The following DLG1 variants were observed in gnomAD, a reference collection of about 807,000 sequenced individuals.
DLG1 encodes the protein discs large MAGUK scaffold protein 1, also known as disks large homolog 1.
Under a neutral mutation model 123.4 loss-of-function variants are expected in DLG1, and 42 were observed. The ratio of observed to expected loss-of-function variants is 0.34; its 90% CI spans 0.27 to 0.44. The LOEUF (loss-of-function observed/expected upper bound fraction) is 0.44, where lower values mean the gene tolerates loss of function less well. DLG1 is among the 20% of genes least tolerant of loss of function. The pLI, the probability that DLG1 is intolerant of heterozygous loss-of-function variation, is 1.00. For missense variants in DLG1, 942 were observed against 1,082.6 expected, an observed-to-expected ratio of 0.87 and a Z score of 1.82; for synonymous variants, 317 against 356.2, an observed-to-expected ratio of 0.89 and a Z score of 1.24.
rs527890526 is a variant in DLG1 at position 197,058,161 on chromosome 3, GT to G, written c.2483+1727del. Among the ~76,000 whole-genome samples the G allele has an allele frequency of 3.0e-4, 45 of 151,984 alleles. No individual in the cohort carries two copies. The East Asian group carries it at 7.8e-3, about 26-fold the overall frequency. On this transcript the variant is annotated intron_variant, in intron 23 of 24. Transcript: ENST00000667157. ...GCCTGGCTATTTCTTTGTATTTTTA[GT>G]AGAGACAGAGTCTCACCATGTTGCC...
chr3:197,207,297 T>C (rs534184181), intron 4 of DLG1, among the ~76,000 whole-genome samples: 1 of 152,292 alleles, frequency 6.6e-6, no homozygotes, highest in East Asian at 1.9e-4. Context: ...TAGAAGGCCA[T>C]ATCTGAAATA....
Position 197,194,520 on chromosome 3 carries a change from T to C in DLG1, c.388A>G (p.Ile130Val), listed in dbSNP as rs1488117119. 6.2e-7 allele frequency: 1 copy of C among 1,606,546 alleles called. No homozygotes were observed. The highest frequency in any genetic ancestry group is 8.5e-7 in the Non-Finnish European group (1 of 1,176,692). ...HISPQITNEV[I>V]GPELVHVSEK... ...GAGACATGAACCAATTCTGGACCTA[T>C]CACTTCATTTGTGATTTGTGGGGAA... Residue 130 changes from isoleucine to valine, a missense_variant, in exon 5 of 25, where the codon ATA (isoleucine) becomes GTA (valine). Coordinates refer to ENST00000667157, the MANE Select transcript of DLG1 (RefSeq NM_001366207.1).
intron 4 of DLG1, among the ~76,000 whole-genome samples, chr3:197,199,743 A>AT (rs1350783530): frequency 1.3e-5 from 2 of 152,086 alleles, no homozygotes; most frequent in Admixed American, 6.5e-5. Context: ...CCTATTTCCA[A>AT]TTTTTTGTAA....
chr3:197,199,926 A>G (rs906545871), intron 4 of DLG1, among the ~76,000 whole-genome samples: 4 of 152,190 alleles, frequency 2.6e-5, no homozygotes, highest in Non-Finnish European at 5.9e-5. Flanking sequence ...GATTATAGTA[A>G]GAACATTCTA....
At chr3:197,157,969 C>A (rs554138845) in intron 5 of DLG1, among the ~76,000 whole-genome samples, 2 of 152,110 alleles carry the variant, frequency 1.3e-5, no homozygotes, top group Non-Finnish European at 2.9e-5. Flanking sequence ...AGGCTAAAAG[C>A]GAGACACTGG....
chr3:197,071,074 C>A (rs1476520213), intron 18 of DLG1: 5 of 152,010 alleles, frequency 3.3e-5, no homozygotes, highest in Admixed American at 2.6e-4. Flanking sequence ...TTTATATATA[C>A]CTTTTAACTT....
intron 10 of DLG1, among the ~76,000 whole-genome samples, chr3:197,131,409 T>G (rs1183635752): frequency 6.6e-6 from 1 of 152,100 alleles, no homozygotes; most frequent in Non-Finnish European, 1.5e-5. Flanking sequence ...TTGATTTTTT[T>G]TCAATTATTT....
intron 4 of DLG1, among the ~76,000 whole-genome samples, chr3:197,243,191 G>A (rs1749851966): frequency 6.6e-6 from 1 of 152,162 alleles, no homozygotes; most frequent in Admixed American, 6.6e-5. Flanking sequence ...CGACTGACTA[G>A]ATTTAGCATT....
chr3:197,060,441 C>G (rs1734992229), intron 22 of DLG1, among the ~76,000 whole-genome samples: 1 of 152,066 alleles, frequency 6.6e-6, no homozygotes, highest in South Asian at 2.1e-4. Flanking sequence ...GCCCAGGTTC[C>G]TATTTTTCAT....
At chr3:197,045,612 G>GTGTC in intron 24 of DLG1, among the ~76,000 whole-genome samples, 1 of 151,966 alleles carries the variant, frequency 6.6e-6, no homozygotes, top group Middle Eastern at 3.4e-3. Context: ...ATGGTGGTGT[G>GTGTC]TGTCTGTAAT....
At chr3:197,062,317 T>TACA (rs2148847546) in intron 22 of DLG1, among the ~76,000 whole-genome samples, 1 of 152,308 alleles carries the variant, frequency 6.6e-6, no homozygotes, top group South Asian at 2.1e-4. Flanking sequence ...AATACTGTTC[T>TACA]ACAAGTGAAA....
chr3:197,075,050 T>C (rs1050112917), intron 18 of DLG1, among the ~76,000 whole-genome samples: 1 of 152,032 alleles, frequency 6.6e-6, no homozygotes, highest in Non-Finnish European at 1.5e-5. Context: ...TCAGTAATGT[T>C]TGGTAAATTT....
Position 197,118,869 on chromosome 3 carries a change from G to A in DLG1, c.1286+541C>T, listed in dbSNP as rs189894215. ...AAACCCACCCACCAGCCAGGCAAAG[G>A]GGATCACGCCTGTAATCTTAGTACC... On this transcript the variant is annotated intron_variant, in intron 12 of 24. Coordinates refer to ENST00000667157, the MANE Select transcript of DLG1 (RefSeq NM_001366207.1). Among the ~76,000 whole-genome samples the A allele has an allele frequency of 4.7e-4, 71 of 152,150 alleles. 1 individual carries two copies. In the East Asian group the frequency reaches 0.011, roughly 24 times the overall value.
intron 4 of DLG1, among the ~76,000 whole-genome samples, chr3:197,253,100 G>C (rs1425682452): frequency 6.6e-6 from 1 of 152,032 alleles, no homozygotes; most frequent in Non-Finnish European, 1.5e-5. Flanking sequence ...TTTGTTCCAC[G>C]AAAGATCCTT....
chr3:197,284,940 TAACATGTACACTAAG>T (rs1404407559), intron 3 of DLG1, among the ~76,000 whole-genome samples: 15 of 150,716 alleles, frequency 1.0e-4, no homozygotes, highest in African/African-American at 3.4e-4. Flanking sequence ...CACAAAGCTC[TAACATGTACACTAAG>T]AAACCTCCAA....
chr3:197,165,512 CTT>C (rs72491611), intron 5 of DLG1, among the ~76,000 whole-genome samples: 2,595 of 152,252 alleles, frequency 0.017, 24 homozygotes, highest in Middle Eastern at 0.068. Context: ...AAATGGTAAA[CTT>C]GATGTAAACT....
chr3:197,124,565 T>C (rs985141762), intron 11 of DLG1, among the ~76,000 whole-genome samples: 1 of 151,982 alleles, frequency 6.6e-6, no homozygotes, highest in Non-Finnish European at 1.5e-5. Context: ...TGAGCCACCG[T>C]GCCTGGTCTC....
chr3:197,145,237 AG>A (rs1265317024), intron 6 of DLG1, among the ~76,000 whole-genome samples: 1 of 152,148 alleles, frequency 6.6e-6, no homozygotes, highest in Admixed American at 6.5e-5. Flanking sequence ...CTTATTCTAA[AG>A]GTTATTTGCA....
intron 17 of DLG1, among the ~76,000 whole-genome samples, chr3:197,078,912 T>C (rs906059513): frequency 2.6e-5 from 4 of 152,234 alleles, no homozygotes; most frequent in Non-Finnish European, 5.9e-5. Context: ...TTAAAATGTC[T>C]GATTCTTATT....
Sources: allele counts gnomAD v4.1 joint callset (sites outside exome capture counted in the v4.1 genomes callset), GRCh38; gene constraint gnomAD v4.1.1; transcripts MANE v1.5; gene names NCBI Gene and HGNC (gene_info 2026-07-23, HGNC 2026-07-21).